Variants in TENM4 observed in about 807,000 individuals in gnomAD.
The protein encoded by TENM4 is teneurin-4.
Under a neutral mutation model 243.3 loss-of-function variants are expected in TENM4, and 82 were observed. The ratio of observed to expected loss-of-function variants is 0.34; its 90% CI spans 0.28 to 0.40. TENM4 has a LOEUF of 0.40. Among genes scored for constraint, TENM4 ranks in the 10% least tolerant of loss-of-function variants. TENM4 has a pLI of 1.00. For synonymous variants in TENM4, 1,412 were observed against 1,456.3 expected (o/e 0.97, Z 0.69); for missense variants, 3,138 against 3,673.3 (o/e 0.85, Z 3.77).
intron 6 of TENM4, among the ~76,000 whole-genome samples, chr11:79,024,567 C>G (rs1002521372): frequency 6.6e-6 from 1 of 152,204 alleles, no homozygotes; most frequent in Admixed American, 6.5e-5. Flanking sequence ...CTTGTACTCT[C>G]TCATTCCCTG....
intron 1 of TENM4, among the ~76,000 whole-genome samples, chr11:79,400,474 C>G (rs912948113): frequency 1.3e-5 from 2 of 152,148 alleles, no homozygotes; most frequent in African/African-American, 4.8e-5. Flanking sequence ...AAACAAGGCT[C>G]TGAAATTGCA....
At chr11:78,742,392 C>A (rs760694495) in intron 19 of TENM4, among the ~76,000 whole-genome samples, 2 of 152,146 alleles carry the variant, frequency 1.3e-5, no homozygotes, top group Non-Finnish European at 2.9e-5. Context: ...CACTAAAATT[C>A]CTTTAATTTC....
At chr11:79,368,865 C>G (rs1857726485) in intron 1 of TENM4, among the ~76,000 whole-genome samples, 1 of 152,212 alleles carries the variant, frequency 6.6e-6, no homozygotes, top group South Asian at 2.1e-4. Flanking sequence ...CAACAGCTGT[C>G]TCGCGGAGAT....
chr11:79,027,241 A>T (rs577669684), intron 6 of TENM4, among the ~76,000 whole-genome samples: 1 of 152,318 alleles, frequency 6.6e-6, no homozygotes, highest in East Asian at 1.9e-4. Context: ...GAAACCACAG[A>T]GGGCTAGCAC....
chr11:79,035,638 T>C (rs1382635892), intron 6 of TENM4, among the ~76,000 whole-genome samples: 1 of 152,228 alleles, frequency 6.6e-6, no homozygotes, highest in Non-Finnish European at 1.5e-5. Context: ...TCCTTTTCAA[T>C]TTAAGCTCAT....
intron 1 of TENM4, among the ~76,000 whole-genome samples, chr11:79,343,852 A>G (rs996392944): frequency 2.0e-5 from 3 of 152,198 alleles, no homozygotes; most frequent in East Asian, 3.9e-4. Context: ...CTGCTTCCCC[A>G]GGCTCATGCC....
intron 2 of TENM4, among the ~76,000 whole-genome samples, chr11:79,297,160 CACA>C (rs1466856177): frequency 6.6e-6 from 1 of 152,164 alleles, no homozygotes; most frequent in Admixed American, 6.5e-5. Context: ...GAGTGAGTGT[CACA>C]ACAACTGCAG....
chr11:79,128,362 A>G (rs1275719032), intron 4 of TENM4, among the ~76,000 whole-genome samples: 1 of 152,220 alleles, frequency 6.6e-6, no homozygotes, highest in Admixed American at 6.5e-5. Flanking sequence ...TTTCAGACCC[A>G]TCTATCCATA....
chr11:79,000,211 T>C (rs1345698702), intron 6 of TENM4, among the ~76,000 whole-genome samples: 1 of 152,200 alleles, frequency 6.6e-6, no homozygotes, highest in Non-Finnish European at 1.5e-5. Context: ...ACTGAGAGAA[T>C]TTACTGCTAG....
rs1859368782 is a variant in TENM4, at chr11:79,440,111, C to T, written c.-321+398G>A. 6.6e-6 allele frequency among the ~76,000 whole-genome samples: 1 copy of T among 152,140 alleles called. No homozygotes were observed. Among genetic ancestry groups the T allele is most frequent in the East Asian group, 1.9e-4 (1 of 5,160 alleles). ...GGCTCCTCCAGCGCCCGACGGGGGCCTGGGGCGAGCTAGTCTGCAGAGGGG... is the reference window on the plus strand; with the variant it reads ...GGCTCCTCCAGCGCCCGACGGGGGCTTGGGGCGAGCTAGTCTGCAGAGGGG... On this transcript the variant is annotated intron_variant, in intron 1 of 33. Coordinates refer to ENST00000278550, the MANE Select transcript of TENM4 (RefSeq NM_001098816.3). This position sits in a 1 kb window ranked among gnomAD's most constrained non-coding sequence, Gnocchi z 4.7.
chr11:78,871,344 C>T (rs1413960229), intron 9 of TENM4, among the ~76,000 whole-genome samples: 2 of 126,332 alleles, frequency 1.6e-5, no homozygotes, highest in African/African-American at 2.5e-5. Context: ...CAGATGGGAG[C>T]TCTCTTTGTT....
chr11:79,091,840 T>C (rs1415769205), intron 4 of TENM4, among the ~76,000 whole-genome samples: 1 of 152,222 alleles, frequency 6.6e-6, no homozygotes, highest in Non-Finnish European at 1.5e-5. Flanking sequence ...TGTCATCTCC[T>C]GCATCCAAAC....
intron 5 of TENM4, 143 bp from the exon 6 acceptor site, chr11:79,065,150 A>C: frequency 7.7e-7 from 1 of 1,300,894 alleles, no homozygotes; most frequent in Non-Finnish European, 1.0e-6. Flanking sequence ...GCCTTTGTTC[A>C]AGTGATTGCC....
intron 3 of TENM4, among the ~76,000 whole-genome samples, chr11:79,150,659 C>A (rs1225388746): frequency 6.6e-6 from 1 of 152,148 alleles, no homozygotes; most frequent in Non-Finnish European, 1.5e-5. Context: ...CTCTCTGGGT[C>A]ATTTGCTAGC....
chr11:78,859,015 C>T (rs1379368139), intron 10 of TENM4, among the ~76,000 whole-genome samples: 1 of 152,022 alleles, frequency 6.6e-6, no homozygotes, highest in Non-Finnish European at 1.5e-5. Context: ...TAAAATATGG[C>T]TTCTGAAGGG....
intron 27 of TENM4, among the ~76,000 whole-genome samples, chr11:78,705,768 T>C (rs1476961087): frequency 6.6e-6 from 1 of 152,224 alleles, no homozygotes; most frequent in Non-Finnish European, 1.5e-5. Context: ...TCAGGACACC[T>C]CACTTCCTAT....
At chr11:78,686,969 T>G (rs1858691841) in intron 29 of TENM4, among the ~76,000 whole-genome samples, 1 of 152,234 alleles carries the variant, frequency 6.6e-6, no homozygotes, top group Admixed American at 6.5e-5. Context: ...ATTAATTACT[T>G]AAGGAATCCA....
chr11:78,986,512 G>A (rs1857922120), intron 6 of TENM4, among the ~76,000 whole-genome samples: 1 of 152,148 alleles, frequency 6.6e-6, no homozygotes, highest in Non-Finnish European at 1.5e-5. Flanking sequence ...GGCTGTAGGA[G>A]CCAAATGGGC....
intron 2 of TENM4, among the ~76,000 whole-genome samples, chr11:79,284,716 G>A (rs549453004): frequency 2.0e-5 from 3 of 152,034 alleles, no homozygotes; most frequent in Non-Finnish European, 4.4e-5. Context: ...CTTTCAAAAT[G>A]AAAAAGTTTT....
Sources: gnomAD v4.1 joint callset for allele counts (sites outside exome capture counted in the v4.1 genomes callset) on GRCh38, gnomAD v4.1.1 for gene constraint, Gnocchi (gnomAD v3.1) non-coding constraint, MANE v1.5 for transcripts, NCBI Gene and HGNC (gene_info 2026-07-23, HGNC 2026-07-21) for gene names.